UTRN: variants seen among roughly 807,000 people sequenced by gnomAD.
UTRN encodes the protein dystrophin-related protein 1.
A neutral mutation model predicts 463.9 loss-of-function variants in UTRN; 283 were observed. The ratio of observed to expected loss-of-function variants is 0.61; its 90% CI spans 0.55 to 0.67. UTRN has a LOEUF of 0.67. Among genes scored for constraint, UTRN ranks in the 30% least tolerant of loss-of-function variants. UTRN has a pLI of 0.00. For missense variants in UTRN, 3,922 were observed against 4,084.3 expected, an observed-to-expected ratio of 0.96 and a Z score of 1.08; for synonymous variants, 1,442 against 1,431.5, an observed-to-expected ratio of 1.01 and a Z score of -0.17.
rs141255813 is a variant in UTRN at position 144,355,088 on chromosome 6, T to G, written c.80-48035T>G. Among the ~76,000 whole-genome samples the G allele has an allele frequency of 1.6e-3, 245 of 152,278 alleles. 3 individuals carry two copies. The Middle Eastern group carries it at 0.02, about 13-fold the overall frequency. On this transcript the variant is annotated intron_variant, in intron 2 of 74. Coordinates refer to ENST00000367545, the MANE Select transcript of UTRN (RefSeq NM_007124.3). ...AATGAGGTAGAATTCTGGTAATTTT[T>G]TTGTTGTTGTTCGGTGAATGAGATA...
At chr6:144,477,922 C>T (rs9496981) in intron 25 of UTRN, among the ~76,000 whole-genome samples, 4,326 of 142,736 alleles carry the variant, frequency 0.03, 203 homozygotes, top group African/African-American at 0.11. Context: ...CATCCATCCA[C>T]ATACATATGG....
chr6:144,376,186 G>A (rs892790998), intron 2 of UTRN, among the ~76,000 whole-genome samples: 1 of 152,088 alleles, frequency 6.6e-6, no homozygotes, highest in African/African-American at 2.4e-5. Context: ...GTCGGGCCGG[G>A]TGGCTCACGC....
intron 41 of UTRN, among the ~76,000 whole-genome samples, chr6:144,523,539 A>T (rs1008459583): frequency 6.6e-6 from 1 of 152,132 alleles, no homozygotes; most frequent in African/African-American, 2.4e-5. Context: ...TGAACTCCGG[A>T]CCTCAGGCAG....
intron 58 of UTRN, among the ~76,000 whole-genome samples, chr6:144,764,453 G>T (rs1793044701): frequency 6.6e-6 from 1 of 152,072 alleles, no homozygotes. Context: ...TAGTATTTTG[G>T]CTTGGAATCT....
At chr6:144,628,259 T>C (rs1316167461) in intron 51 of UTRN, among the ~76,000 whole-genome samples, 1 of 152,266 alleles carries the variant, frequency 6.6e-6, no homozygotes, top group East Asian at 1.9e-4. Flanking sequence ...CTTTCATTTC[T>C]TTGGGGTCTA....
chr6:144,434,477 A>G (rs898029207), intron 9 of UTRN, among the ~76,000 whole-genome samples: 2 of 152,184 alleles, frequency 1.3e-5, no homozygotes, highest in Non-Finnish European at 2.9e-5. Flanking sequence ...AGTTGCAGGG[A>G]GGAGCCATCT....
chr6:144,299,288 CAAGG>C (rs1482024741), intron 2 of UTRN, among the ~76,000 whole-genome samples: 1 of 152,112 alleles, frequency 6.6e-6, no homozygotes, highest in African/African-American at 2.4e-5. Flanking sequence ...AATTTATAGA[CAAGG>C]AAGGCAGGTT....
intron 2 of UTRN, among the ~76,000 whole-genome samples, chr6:144,340,552 G>A (rs1234253356): frequency 6.6e-6 from 1 of 152,094 alleles, no homozygotes; most frequent in African/African-American, 2.4e-5. Flanking sequence ...AATTTGTTCT[G>A]TAATTCTCTC....
intron 2 of UTRN, among the ~76,000 whole-genome samples, chr6:144,329,151 C>T (rs1183508580): frequency 6.9e-6 from 1 of 144,960 alleles, no homozygotes; most frequent in Non-Finnish European, 1.5e-5. Flanking sequence ...GGGGCGATCT[C>T]GGCTCACTGC....
At chr6:144,291,522 A>C (rs1804251939) in intron 1 of UTRN, among the ~76,000 whole-genome samples, 1 of 152,222 alleles carries the variant, frequency 6.6e-6, no homozygotes, top group South Asian at 2.1e-4. Context: ...TTGTAATGAA[A>C]TAATTCATTA....
chr6:144,517,938 C>T (rs1012399117), intron 39 of UTRN, among the ~76,000 whole-genome samples: 2 of 152,228 alleles, frequency 1.3e-5, no homozygotes, highest in Non-Finnish European at 2.9e-5. Context: ...TCTCTCAAGG[C>T]TGAAGCCTCA....
intron 50 of UTRN, among the ~76,000 whole-genome samples, chr6:144,571,585 G>C (rs1315426826): frequency 6.6e-6 from 1 of 151,962 alleles, no homozygotes; most frequent in Non-Finnish European, 1.5e-5. Context: ...AGTTGCTTAG[G>C]GATGCTACTG....
chr6:144,562,285 T>C (rs1017112802), intron 50 of UTRN, among the ~76,000 whole-genome samples: 1 of 152,180 alleles, frequency 6.6e-6, no homozygotes, highest in Non-Finnish European at 1.5e-5. Context: ...GGTGGTTTGC[T>C]GCATCTATCA....
rs1446668034 is a variant in UTRN at position 144,732,247 on chromosome 6, TATATATATATACAC to T, written c.7939+1763_7939+1776del. On this transcript the variant is annotated intron_variant, in intron 54 of 74. Coordinates refer to ENST00000367545, the MANE Select transcript of UTRN (RefSeq NM_007124.3). The stretch of plus-strand genomic sequence containing the variant: ...ATATATATATATATATACATATATA[TATATATATATACAC>T]ACATATATATATATATACACACATA... 5.4e-4 allele frequency among the ~76,000 whole-genome samples: 61 copies of T among 112,882 alleles called. No individual in the cohort carries two copies. The Admixed American group carries it at 5.9e-3, about 11-fold the overall frequency. The allele number at this position is 112,882 out of a possible 152,430, so 74.1% of individuals were successfully genotyped here. A position where few individuals can be genotyped will look rare whatever the true frequency, so the allele number is the denominator to read the frequency against.
At chr6:144,803,221 A>G in intron 65 of UTRN, 74 bp downstream of exon 65, 1 of 908,070 alleles carries the variant, frequency 1.1e-6, no homozygotes. Flanking sequence ...TTTATTATTT[A>G]TTTAGACTTA....
intron 66 of UTRN, among the ~76,000 whole-genome samples, chr6:144,824,906 C>T (rs1290931799): frequency 6.6e-6 from 1 of 151,680 alleles, no homozygotes; most frequent in African/African-American, 2.4e-5. Context: ...TTTCAGCCTC[C>T]CAAGAAGCTG....
At chr6:144,396,980 T>G (rs1391232473) in intron 2 of UTRN, among the ~76,000 whole-genome samples, 1 of 152,196 alleles carries the variant, frequency 6.6e-6, no homozygotes, top group Non-Finnish European at 1.5e-5. Flanking sequence ...GCACAGTGGC[T>G]CATGCCTGTA....
intron 51 of UTRN, among the ~76,000 whole-genome samples, chr6:144,634,361 C>T (rs1225291167): frequency 6.6e-6 from 1 of 152,108 alleles, no homozygotes; most frequent in Admixed American, 6.6e-5. Context: ...CATCTTTTGG[C>T]CATCCCTGGT....
intron 2 of UTRN, among the ~76,000 whole-genome samples, chr6:144,351,543 G>A (rs1343844954): frequency 1.3e-5 from 2 of 152,146 alleles, no homozygotes; most frequent in African/African-American, 4.8e-5. Flanking sequence ...TGCCCCAGAT[G>A]TTTTGCTGTT....
Sources: allele counts gnomAD v4.1 joint callset (sites outside exome capture counted in the v4.1 genomes callset), GRCh38; gene constraint gnomAD v4.1.1; transcripts MANE v1.5; gene names NCBI Gene and HGNC (gene_info 2026-07-23, HGNC 2026-07-21).